Variants in COL22A1 observed in about 807,000 individuals in gnomAD.
The protein encoded by COL22A1 is collagen type XXII alpha 1 chain, also known as collagen alpha-1(XXII) chain.
COL22A1 carries 221 observed loss-of-function variants against 248.9 expected under a neutral mutation model. That is an observed-to-expected ratio of 0.89 (90% CI 0.80 to 0.99). COL22A1 has a LOEUF of 0.99. Ranked by LOEUF, COL22A1 falls within the 50% of genes least tolerant of loss-of-function variation. COL22A1 has a pLI of 0.00. For synonymous variants in COL22A1, 891 were observed against 793.4 expected (o/e 1.12, Z -2.07); for missense variants, 2,240 against 2,179.0 (o/e 1.03, Z -0.56).
At chr8:138,722,379 C>T (rs768622472) in intron 25 of COL22A1, among the ~76,000 whole-genome samples, 1 of 152,214 alleles carries the variant, frequency 6.6e-6, no homozygotes, top group Admixed American at 6.5e-5. Context: ...AAATCTTGCT[C>T]TGATGGTTCT....
chr8:138,759,176 C>T (rs1363334585), intron 18 of COL22A1, among the ~76,000 whole-genome samples: 1 of 152,166 alleles, frequency 6.6e-6, no homozygotes, highest in Non-Finnish European at 1.5e-5. Context: ...TTTCTCCAGC[C>T]CCCATCCTAA....
At chr8:138,652,862 T>C (rs1203471368) in intron 45 of COL22A1, among the ~76,000 whole-genome samples, 1 of 144,466 alleles carries the variant, frequency 6.9e-6, no homozygotes, top group Non-Finnish European at 1.5e-5. Flanking sequence ...TTCTCCCACC[T>C]CAGCCTCCCA....
intron 16 of COL22A1, among the ~76,000 whole-genome samples, chr8:138,764,503 G>A (rs908119345): frequency 6.6e-6 from 1 of 152,240 alleles, no homozygotes; most frequent in Non-Finnish European, 1.5e-5. Context: ...TGATGTGAAC[G>A]TAGGGGTGTC....
intron 50 of COL22A1, among the ~76,000 whole-genome samples, chr8:138,626,933 A>AT (rs1367668518): frequency 1.6e-4 from 24 of 152,316 alleles, no homozygotes; most frequent in African/African-American, 5.8e-4. Flanking sequence ...GAGTATTATC[A>AT]TATCACCCTG....
rs947884375 is a variant in COL22A1, at chr8:138,601,785, C to T, written c.4185+330G>A. Among the ~76,000 whole-genome samples, 44 of 152,136 alleles carry T rather than the reference C, an allele frequency of 2.9e-4. 2 individuals carry two copies. Among genetic ancestry groups the T allele is most frequent in the Admixed American group, 2.0e-3 (31 of 15,280 alleles). ...AGCCGAGCCCGTCTCGGCGGGCATT[C>T]GCACACGGGGAGAAAGAAATCTGTC... is the stretch of plus-strand genomic sequence containing the variant. On this transcript the variant is annotated intron_variant, in intron 60 of 64. Transcript: ENST00000303045.
intron 45 of COL22A1, among the ~76,000 whole-genome samples, chr8:138,653,551 AATAAT>A (rs1822945798): frequency 6.6e-6 from 1 of 152,204 alleles, no homozygotes; most frequent in Non-Finnish European, 1.5e-5. Context: ...TTGAGGATTT[AATAAT>A]ATAATATTTC....
intron 8 of COL22A1, among the ~76,000 whole-genome samples, chr8:138,812,315 G>A (rs1417706596): frequency 2.6e-5 from 4 of 152,182 alleles, no homozygotes; most frequent in Admixed American, 1.3e-4. Flanking sequence ...AGCCGGGTGC[G>A]CTGGCTGAGT....
chr8:138,771,319 C>G (rs927015412), intron 16 of COL22A1, among the ~76,000 whole-genome samples: 1 of 152,214 alleles, frequency 6.6e-6, no homozygotes, highest in Admixed American at 6.5e-5. Flanking sequence ...TTCTGACCTT[C>G]GGGCCTGGTA....
In COL22A1 at chr8:138,771,246, G is replaced by T. The variant is rs541011592; in HGVS notation, c.1803+4720C>A. Among the ~76,000 whole-genome samples, 4 of 152,290 alleles carry T rather than the reference G, an allele frequency of 2.6e-5. No homozygotes were observed. In the South Asian group the frequency reaches 8.3e-4, roughly 32 times the overall value. ...TTCGCTTCCTGAGCTTACCCCAAAG[G>T]AAGCTCCCACAGCAGGTAGAGCTAT... is the stretch of plus-strand genomic sequence containing the variant. On this transcript the variant is annotated intron_variant, in intron 16 of 64. Transcript: ENST00000303045.
intron 13 of COL22A1, among the ~76,000 whole-genome samples, chr8:138,780,304 G>A (rs754080752): frequency 7.9e-5 from 12 of 152,292 alleles, no homozygotes; most frequent in African/African-American, 2.2e-4. Flanking sequence ...GGACCTCAGC[G>A]TTGCTCACAA....
chr8:138,692,311 T>C (rs1320534023), intron 35 of COL22A1, among the ~76,000 whole-genome samples: 1 of 95,948 alleles, frequency 1.0e-5, no homozygotes, highest in African/African-American at 4.2e-5. Flanking sequence ...GAGGTGTATG[T>C]GTGTGCATGC....
intron 12 of COL22A1, among the ~76,000 whole-genome samples, chr8:138,792,836 T>C (rs1563769728): frequency 6.6e-6 from 1 of 152,136 alleles, no homozygotes; most frequent in Non-Finnish European, 1.5e-5. Context: ...CAAAGAACAG[T>C]GATTCAATCA....
intron 53 of COL22A1, 52 bp from the exon 54 acceptor site, chr8:138,617,010 G>C: frequency 6.2e-7 from 1 of 1,602,488 alleles, no homozygotes. Flanking sequence ...TCTTGGGGCA[G>C]AAGTGGGCAG....
At chr8:138,811,306 C>A (rs9693733) in intron 9 of COL22A1, among the ~76,000 whole-genome samples, 1 of 150,388 alleles carries the variant, frequency 6.6e-6, no homozygotes, top group African/African-American at 2.5e-5. Context: ...TATATATATA[C>A]ACATACATAC....
chr8:138,642,059 A>C (rs1821760103), intron 47 of COL22A1, among the ~76,000 whole-genome samples: 1 of 152,206 alleles, frequency 6.6e-6, no homozygotes, highest in Non-Finnish European at 1.5e-5. Flanking sequence ...TTTCTCAACA[A>C]TAAGTGGTGA....
chr8:138,816,628 A>G (rs1206800703), intron 7 of COL22A1, among the ~76,000 whole-genome samples: 1 of 152,170 alleles, frequency 6.6e-6, no homozygotes, highest in East Asian at 1.9e-4. Context: ...CAGCTGGTCA[A>G]GTTAGGAAAA....
At chr8:138,693,840 G>A in intron 34 of COL22A1, 141 bp from the exon 35 acceptor site, 2 of 832,800 alleles carry the variant, frequency 2.4e-6, no homozygotes, top group Non-Finnish European at 3.9e-6. Flanking sequence ...CCGTCTAAAA[G>A]GTGAAGAAAA....
At chr8:138,907,024 C>T (rs6986041) in intron 1 of COL22A1, among the ~76,000 whole-genome samples, 88,513 of 152,096 alleles carry the variant, frequency 0.58, 26,127 homozygotes, top group Middle Eastern at 0.67. Flanking sequence ...TACCAGGACC[C>T]GGCTACTCTG....
At chr8:138,736,947 A>C (rs942493243) in intron 23 of COL22A1, among the ~76,000 whole-genome samples, 1 of 152,130 alleles carries the variant, frequency 6.6e-6, no homozygotes, top group East Asian at 1.9e-4. Context: ...AGCTCCTATG[A>C]TAGTGGCCGC....
Sources: gnomAD v4.1 joint callset for allele counts (sites outside exome capture counted in the v4.1 genomes callset) on GRCh38, gnomAD v4.1.1 for gene constraint, MANE v1.5 for transcripts, NCBI Gene and HGNC (gene_info 2026-07-23, HGNC 2026-07-21) for gene names.